Variants in MED12L observed in about 807,000 individuals in gnomAD.
MED12L encodes mediator of RNA polymerase II transcription subunit 12-like protein.
In MED12L, 60 loss-of-function variants were observed where a neutral mutation model predicts 281.3. The ratio of observed to expected loss-of-function variants is 0.21; its 90% CI spans 0.17 to 0.26. MED12L has a LOEUF of 0.26. Ranked by LOEUF, MED12L falls within the 10% of genes least tolerant of loss-of-function variation. The pLI is 1.00. For missense variants in MED12L, 2,146 were observed against 2,680.9 expected, an observed-to-expected ratio of 0.80 and a Z score of 4.41; for synonymous variants, 974 against 987.2, an observed-to-expected ratio of 0.99 and a Z score of 0.25.
intron 3 of MED12L, among the ~76,000 whole-genome samples, chr3:151,117,342 C>G (rs954895642): frequency 1.6e-4 from 24 of 152,106 alleles, no homozygotes; most frequent in African/African-American, 5.8e-4. Flanking sequence ...AAAACATATT[C>G]CAAGTTTATC....
intron 16 of MED12L, among the ~76,000 whole-genome samples, chr3:151,194,826 T>C (rs1724430049): frequency 6.6e-6 from 1 of 152,186 alleles, no homozygotes; most frequent in Non-Finnish European, 1.5e-5. Flanking sequence ...TTAAGTACAA[T>C]TTCAGGGAGT....
chr3:151,378,498 A>T (rs1265802946), intron 31 of MED12L, among the ~76,000 whole-genome samples: 2 of 151,638 alleles, frequency 1.3e-5, no homozygotes, highest in Admixed American at 6.6e-5. Context: ...AATTATTTCT[A>T]TTTTTTTATT....
chr3:151,110,387 G>T (rs1711678725), intron 2 of MED12L, among the ~76,000 whole-genome samples: 1 of 152,176 alleles, frequency 6.6e-6, no homozygotes, highest in Non-Finnish European at 1.5e-5. Context: ...ACTCCCTGAG[G>T]CTGTGGTTTT....
chr3:151,140,261 A>G (rs549863079), intron 5 of MED12L, among the ~76,000 whole-genome samples: 1 of 152,344 alleles, frequency 6.6e-6, no homozygotes, highest in African/African-American at 2.4e-5. Context: ...TTATTAACGT[A>G]AAATAACATA....
intron 16 of MED12L, chr3:151,328,576 T>C: frequency 6.2e-7 from 1 of 1,613,780 alleles, no homozygotes; most frequent in Non-Finnish European, 8.5e-7. Flanking sequence ...AGACCGTTTT[T>C]GCAAAAACAG....
rs1247573278 is a variant in MED12L at position 151,377,073 on chromosome 3, A to G, written c.4211A>G (p.Asp1404Gly). The G allele has an allele frequency of 6.2e-7, 1 of 1,614,120 alleles. No homozygotes were observed. The highest frequency in any genetic ancestry group is 1.7e-5 in the Admixed American group (1 of 60,026). ...ATAGAGGTATTCCAGCAGTCTGCAG[A>G]CCTAAATAATTCTTCTAATTCTGGC... ...ATIEVFQQSA[D>G]LNNSSNSGMS... The change falls in exon 30 of 45, where the codon GAC (aspartate) becomes GGC (glycine). Residue 1404 changes from aspartate to glycine, a missense_variant. Transcript: ENST00000687756.
intron 3 of MED12L, 101 bp downstream of exon 3, chr3:151,116,543 C>A: frequency 1.4e-6 from 1 of 740,238 alleles, no homozygotes. Flanking sequence ...AAGCCACAGT[C>A]CATATTCAGA....
At chr3:151,273,251 G>C (rs1432578413) in intron 16 of MED12L, among the ~76,000 whole-genome samples, 1 of 118,210 alleles carries the variant, frequency 8.5e-6, no homozygotes, top group Non-Finnish European at 1.7e-5. Context: ...TTTTTTTTGA[G>C]ATGGAGTCTT....
chr3:151,361,880 C>G (rs1254413919), intron 21 of MED12L, among the ~76,000 whole-genome samples: 1 of 152,120 alleles, frequency 6.6e-6, no homozygotes, highest in Non-Finnish European at 1.5e-5. Flanking sequence ...TTGCTACCCC[C>G]ACAGGCAGCA....
At chr3:151,191,450 A>C (rs758453608) in intron 14 of MED12L, among the ~76,000 whole-genome samples, 1 of 152,254 alleles carries the variant, frequency 6.6e-6, no homozygotes, top group African/African-American at 2.4e-5. Flanking sequence ...TGTCCTTTTC[A>C]ACAAATTATT....
Position 151,292,628 on chromosome 3 carries a change from A to G in MED12L, c.2251-57431A>G, listed in dbSNP as rs551814648. Among the ~76,000 whole-genome samples, 4 of 151,944 alleles carry G rather than the reference A, an allele frequency of 2.6e-5. No individual in the cohort carries two copies. The East Asian group carries it at 7.8e-4, about 29-fold the overall frequency. ...GCTCTTGTTGCCCAAGCTGGAATGC[A>G]ATGGCACGATCTCGGCTCACTGCAA... On this transcript the variant is annotated intron_variant, in intron 16 of 44. Transcript: ENST00000687756.
chr3:151,170,965 A>G (rs1034192105), intron 11 of MED12L, among the ~76,000 whole-genome samples: 14 of 152,168 alleles, frequency 9.2e-5, no homozygotes, highest in Non-Finnish European at 1.2e-4. Context: ...TGATCATCCA[A>G]CATTTCAAGA....
At chr3:151,301,199 ACT>A (rs1745874258) in intron 16 of MED12L, among the ~76,000 whole-genome samples, 1 of 152,172 alleles carries the variant, frequency 6.6e-6, no homozygotes, top group Non-Finnish European at 1.5e-5. Context: ...GTAAAACTCT[ACT>A]TTCTTTTTAT....
At chr3:151,304,190 G>A (rs1424596440) in intron 16 of MED12L, among the ~76,000 whole-genome samples, 1 of 152,192 alleles carries the variant, frequency 6.6e-6, no homozygotes, top group East Asian at 1.9e-4. Flanking sequence ...GAACATGCCT[G>A]TGACAGAAAG....
chr3:151,229,096 C>T (rs1731097987), intron 16 of MED12L, among the ~76,000 whole-genome samples: 2 of 152,102 alleles, frequency 1.3e-5, no homozygotes, highest in South Asian at 2.1e-4. Flanking sequence ...TGTGTTTGTT[C>T]AAGATTCAGG....
intron 16 of MED12L, among the ~76,000 whole-genome samples, chr3:151,296,883 CTCACTGCCCTGCACA>C (rs1745174678): frequency 6.6e-6 from 1 of 152,082 alleles, no homozygotes; most frequent in South Asian, 2.1e-4. Context: ...AATTTAAGCC[CTCACTGCCCTGCACA>C]CAGGCAGTTT....
At chr3:151,141,178 G>GTTTGTTTGGTTTTT (rs1553808456) in intron 5 of MED12L, among the ~76,000 whole-genome samples, 1 of 102,190 alleles carries the variant, frequency 9.8e-6, no homozygotes, top group African/African-American at 4.3e-5. Flanking sequence ...TTTTTTTTTT[G>GTTTGTTTGGTTTTT]TTTTTTTTGT....
rs1370884694 is a variant in MED12L at position 151,350,105 on chromosome 3, A to G, written c.2297A>G (p.Tyr766Cys). The stretch of plus-strand genomic sequence containing the variant: ...TGTAACCAGCGCACAATCCTTCTCT[A>G]TGGAGTCGGCAAAGAGCGTGATGAA... ...HECNQRTILL[Y>C]GVGKERDEAR... The change falls in exon 17 of 45, where the codon TAT (tyrosine) becomes TGT (cysteine). Residue 766 changes from tyrosine to cysteine, a missense_variant. Around this residue, in one of 9 missense-constraint regions of MED12L, gnomAD observed 404 missense variants for 603.5 expected, o/e 0.67. Coordinates refer to ENST00000687756, the MANE Select transcript of MED12L (RefSeq NM_001393769.1). 1 of 1,613,550 alleles carries G rather than the reference A, an allele frequency of 6.2e-7. No individual in the cohort carries two copies. Among genetic ancestry groups the G allele is most frequent in the Non-Finnish European group, 8.5e-7 (1 of 1,179,672 alleles).
chr3:151,241,208 T>C (rs1307998331), intron 16 of MED12L, among the ~76,000 whole-genome samples: 1 of 152,242 alleles, frequency 6.6e-6, no homozygotes, highest in African/African-American at 2.4e-5. Flanking sequence ...ACTATATCTC[T>C]TTAGTTGGTT....
Sources: gnomAD v4.1 joint callset for allele counts (sites outside exome capture counted in the v4.1 genomes callset) on GRCh38, gnomAD v4.1.1 for gene constraint, gnomAD v4.1.1 regional missense constraint, MANE v1.5 for transcripts, NCBI Gene and HGNC (gene_info 2026-07-23, HGNC 2026-07-21) for gene names.